TAFA1: variants seen among roughly 807,000 people sequenced by gnomAD.
TAFA1 encodes the protein chemokine-like protein TAFA-1.
Under a neutral mutation model 18.5 loss-of-function variants are expected in TAFA1, and 4 were observed. The ratio of observed to expected loss-of-function variants is 0.22; its 90% confidence interval spans 0.11 to 0.49. The LOEUF (loss-of-function observed/expected upper bound fraction) is 0.49. Ranked by LOEUF, TAFA1 falls within the 20% of genes least tolerant of loss-of-function variation. The pLI is 0.98. For missense variants in TAFA1, 147 were observed against 169.0 expected, an observed-to-expected ratio of 0.87 and a Z score of 0.72; for synonymous variants, 56 against 55.2, an observed-to-expected ratio of 1.01 and a Z score of -0.06.
At chr3:68,441,342 G>T (rs113898890) in intron 3 of TAFA1, among the ~76,000 whole-genome samples, 5,911 of 152,234 alleles carry the variant, frequency 0.039, 153 homozygotes, top group East Asian at 0.09. Context: ...GTGACACTGT[G>T]TGGAGCCTCT....
intron 2 of TAFA1, among the ~76,000 whole-genome samples, chr3:68,314,766 A>G (rs914627252): frequency 6.6e-6 from 1 of 152,052 alleles, no homozygotes; most frequent in Non-Finnish European, 1.5e-5. Context: ...CCCCATCTTA[A>G]TGAAACAGGA....
At chr3:68,370,267 G>A (rs1478246936) in intron 2 of TAFA1, among the ~76,000 whole-genome samples, 4 of 90,086 alleles carry the variant, frequency 4.4e-5, no homozygotes, top group Non-Finnish European at 7.8e-5. Flanking sequence ...CAGCCTGGGC[G>A]ACAAGGGAGA....
chr3:68,141,591 T>A (rs2065667788), intron 2 of TAFA1, among the ~76,000 whole-genome samples: 1 of 152,200 alleles, frequency 6.6e-6, no homozygotes, highest in East Asian at 1.9e-4. Context: ...CAAATCAGAC[T>A]AAATCCTAAT....
At chr3:68,175,600 G>C in intron 2 of TAFA1, among the ~76,000 whole-genome samples, 1 of 152,112 alleles carries the variant, frequency 6.6e-6, no homozygotes, top group Admixed American at 6.5e-5. Flanking sequence ...TCTCCCGTTT[G>C]GAATGGTTGT....
intron 3 of TAFA1, among the ~76,000 whole-genome samples, chr3:68,528,173 A>G (rs979715039): frequency 4.6e-5 from 7 of 152,210 alleles, no homozygotes; most frequent in Non-Finnish European, 1.0e-4. Flanking sequence ...GATAAATAAT[A>G]GTGATAACTG....
the TAFA1 span, among the ~76,000 whole-genome samples, chr3:67,993,902 A>C: frequency 6.6e-6 from 1 of 151,934 alleles, no homozygotes; most frequent in Non-Finnish European, 1.5e-5. Context: ...AATCTGGTTA[A>C]TCAAGGGGAG....
chr3:68,187,145 A>G (rs1429985028), intron 2 of TAFA1, among the ~76,000 whole-genome samples: 1 of 152,062 alleles, frequency 6.6e-6, no homozygotes, highest in Non-Finnish European at 1.5e-5. Context: ...GGATTAAAAA[A>G]TAAAACATGA....
intron 3 of TAFA1, among the ~76,000 whole-genome samples, chr3:68,486,862 G>A (rs543418768): frequency 1.3e-5 from 2 of 152,146 alleles, no homozygotes; most frequent in African/African-American, 4.8e-5. Context: ...TCTACATTTC[G>A]GGGGCAGTTT....
intron 3 of TAFA1, among the ~76,000 whole-genome samples, chr3:68,524,939 G>A (rs1451888090): frequency 6.6e-6 from 1 of 152,166 alleles, no homozygotes; most frequent in Non-Finnish European, 1.5e-5. Flanking sequence ...CCAAAGTGCT[G>A]GGATTACAGG....
chr3:68,037,871 T>C (rs1705085211), intron 2 of TAFA1, among the ~76,000 whole-genome samples: 1 of 152,192 alleles, frequency 6.6e-6, no homozygotes, highest in Non-Finnish European at 1.5e-5. Context: ...TTTCACGGCA[T>C]GCCATTTTAT....
intron 2 of TAFA1, among the ~76,000 whole-genome samples, chr3:68,120,169 TTC>T (rs199917167): frequency 2.0e-4 from 27 of 138,174 alleles, no homozygotes; most frequent in South Asian, 8.7e-4. Context: ...TTCTCTTTCT[TTC>T]TCTTTCTTTC....
chr3:68,091,501 C>G (rs1028831048), intron 2 of TAFA1, among the ~76,000 whole-genome samples: 4 of 152,062 alleles, frequency 2.6e-5, no homozygotes, highest in African/African-American at 9.7e-5. Flanking sequence ...TGCTTTGTTT[C>G]TTGGCACTGA....
intron 2 of TAFA1, among the ~76,000 whole-genome samples, chr3:68,032,979 T>A (rs749065162): frequency 5.3e-5 from 8 of 152,178 alleles, no homozygotes; most frequent in Non-Finnish European, 8.8e-5. Flanking sequence ...CTATGTATGA[T>A]ATCCTTTCAT....
intron 2 of TAFA1, among the ~76,000 whole-genome samples, chr3:68,284,613 C>T (rs962792335): frequency 6.6e-6 from 1 of 152,092 alleles, no homozygotes; most frequent in African/African-American, 2.4e-5. Context: ...TATGTTCATA[C>T]AACAGAAAAC....
In TAFA1 at chr3:68,120,066, G is replaced by A. The variant is rs1419499873; in HGVS notation, c.118+113322G>A. On this transcript the variant is annotated intron_variant, in intron 2 of 4. Coordinates refer to ENST00000478136, the MANE Select transcript of TAFA1 (RefSeq NM_213609.4). ...TCAGAGCAGGGTAGGATGTGGGAGA[G>A]CAGTAAAAAATACTCAAGTGGTCCT... is the stretch of plus-strand genomic sequence containing the variant. 5.3e-5 allele frequency among the ~76,000 whole-genome samples: 8 copies of A among 152,238 alleles called. No homozygotes were observed. The Middle Eastern group carries it at 0.01, about 194-fold the overall frequency.
intron 2 of TAFA1, among the ~76,000 whole-genome samples, chr3:68,371,613 A>T (rs1234683974): frequency 2.0e-5 from 3 of 152,028 alleles, no homozygotes; most frequent in Non-Finnish European, 4.4e-5. Flanking sequence ...CATTTTCTTT[A>T]TCCAGTCTAT....
upstream of TAFA1, among the ~76,000 whole-genome samples, chr3:68,002,837 G>GATA (rs199897887): frequency 0.062 from 9,475 of 152,096 alleles, 535 homozygotes; most frequent in African/African-American, 0.16. Context: ...GTGAAACAGA[G>GATA]ATAATAATAA....
At chr3:68,203,440 G>A (rs575414019) in intron 2 of TAFA1, among the ~76,000 whole-genome samples, 13 of 151,776 alleles carry the variant, frequency 8.6e-5, no homozygotes, top group Admixed American at 7.2e-4. Context: ...TTCAAACTAT[G>A]TGTTTTGTCT....
chr3:68,205,789 G>T (rs920598873), intron 2 of TAFA1, among the ~76,000 whole-genome samples: 1 of 151,768 alleles, frequency 6.6e-6, no homozygotes, highest in Non-Finnish European at 1.5e-5. Context: ...CACAAAATTG[G>T]TCTTCTTTAC....
Sources: allele counts gnomAD v4.1 joint callset (sites outside exome capture counted in the v4.1 genomes callset), GRCh38; gene constraint gnomAD v4.1.1; transcripts MANE v1.5; gene names NCBI Gene and HGNC (gene_info 2026-07-23, HGNC 2026-07-21).